Variants in SOX5 observed in about 807,000 individuals in gnomAD.
SOX5 encodes the protein SRY-box transcription factor 5.
A neutral mutation model predicts 92.0 loss-of-function variants in SOX5; 9 were observed. The observed-to-expected ratio is 0.10, with a 90% CI of 0.06 to 0.17. The LOEUF is 0.17. Among genes scored for constraint, SOX5 ranks in the 10% least tolerant of loss-of-function variants. The pLI, the probability that SOX5 is intolerant of heterozygous loss-of-function variation, is 1.00. For missense variants in SOX5, 642 were observed against 944.5 expected, an observed-to-expected ratio of 0.68 and a Z score of 4.20; for synonymous variants, 344 against 336.3, an observed-to-expected ratio of 1.02 and a Z score of -0.25.
intron 1 of SOX5, among the ~76,000 whole-genome samples, chr12:23,909,035 C>G (rs1166497558): frequency 6.6e-6 from 1 of 151,568 alleles, no homozygotes; most frequent in Non-Finnish European, 1.5e-5. Context: ...GGAATGCTAA[C>G]CCCCAAAATA....
At chr12:23,676,300 C>T (rs58070331) in intron 6 of SOX5, among the ~76,000 whole-genome samples, 10,079 of 152,076 alleles carry the variant, frequency 0.066, 1,030 homozygotes, top group African/African-American at 0.22. Flanking sequence ...ACTACGTATA[C>T]GTACATCAAA....
intron 1 of SOX5, among the ~76,000 whole-genome samples, chr12:24,461,382 G>T (rs927077109): frequency 1.3e-5 from 2 of 152,184 alleles, no homozygotes; most frequent in African/African-American, 4.8e-5. Context: ...TTAGACAAGA[G>T]AAATGGGAGG....
chr12:24,187,319 G>C (rs990287365), intron 4 of SOX5, among the ~76,000 whole-genome samples: 2 of 152,184 alleles, frequency 1.3e-5, no homozygotes, highest in African/African-American at 4.8e-5. Context: ...AAGTCCTGCT[G>C]CTTTCTGAGC....
At chr12:24,544,851 G>A (rs1246497614) in intron 1 of SOX5, among the ~76,000 whole-genome samples, 1 of 152,142 alleles carries the variant, frequency 6.6e-6, no homozygotes, top group African/African-American at 2.4e-5. Flanking sequence ...TAATTCAGTA[G>A]TATTTGAAGT....
At chr12:24,318,029 G>T (rs1051949165) in intron 2 of SOX5, among the ~76,000 whole-genome samples, 3 of 151,998 alleles carry the variant, frequency 2.0e-5, no homozygotes, top group Admixed American at 1.3e-4. Flanking sequence ...TGTTCAACAT[G>T]GTGAAACCCC....
At chr12:24,168,828 G>A (rs910054760) in intron 4 of SOX5, among the ~76,000 whole-genome samples, 2 of 152,208 alleles carry the variant, frequency 1.3e-5, no homozygotes, top group African/African-American at 4.8e-5. Context: ...GCATGTGCCT[G>A]TAGGTCAAAG....
chr12:23,862,432 G>A (rs529512406), intron 2 of SOX5, among the ~76,000 whole-genome samples: 1 of 152,280 alleles, frequency 6.6e-6, no homozygotes, highest in Admixed American at 6.5e-5. Flanking sequence ...CTCCTTGGTT[G>A]TATTTTGCCT....
chr12:24,377,692 G>T (rs1299775780), intron 1 of SOX5, among the ~76,000 whole-genome samples: 1 of 152,132 alleles, frequency 6.6e-6, no homozygotes, highest in African/African-American at 2.4e-5. Flanking sequence ...AAGACAACAG[G>T]AATTCCTGTT....
At chr12:23,977,392 A>T (rs1949034562) in intron 4 of SOX5, among the ~76,000 whole-genome samples, 1 of 152,164 alleles carries the variant, frequency 6.6e-6, no homozygotes, top group Non-Finnish European at 1.5e-5. Context: ...AAGGTGGGCC[A>T]AGCATGGTGG....
chr12:24,112,548 T>TTTTTTTG (rs1593268586), intron 4 of SOX5, among the ~76,000 whole-genome samples: 2 of 139,598 alleles, frequency 1.4e-5, no homozygotes, highest in South Asian at 2.3e-4. Context: ...TTTTTTTTTT[T>TTTTTTTG]GAGGCAGGAT....
intron 6 of SOX5, among the ~76,000 whole-genome samples, chr12:23,671,650 T>C (rs2084798607): frequency 6.6e-6 from 1 of 152,206 alleles, no homozygotes; most frequent in African/African-American, 2.4e-5. Context: ...CAGTTTATCC[T>C]ACTCAATGCA....
intron 1 of SOX5, among the ~76,000 whole-genome samples, chr12:24,461,174 T>C (rs1438744432): frequency 1.3e-5 from 2 of 152,238 alleles, no homozygotes; most frequent in African/African-American, 4.8e-5. Context: ...CATTGATACA[T>C]ACTGAATTTG....
chr12:23,782,360 C>T (rs2095297847), intron 3 of SOX5, among the ~76,000 whole-genome samples: 1 of 152,094 alleles, frequency 6.6e-6, no homozygotes, highest in South Asian at 2.1e-4. Context: ...GATAATAAAT[C>T]TCAGGATCAA....
intron 2 of SOX5, among the ~76,000 whole-genome samples, chr12:24,330,218 G>A (rs760426361): frequency 3.3e-5 from 5 of 151,992 alleles, no homozygotes; most frequent in East Asian, 1.9e-4. Context: ...TAAAATTAAC[G>A]CATCAATTAT....
At chr12:23,832,294 T>C (rs2135637403) in intron 3 of SOX5, among the ~76,000 whole-genome samples, 1 of 152,154 alleles carries the variant, frequency 6.6e-6, no homozygotes, top group East Asian at 1.9e-4. Context: ...ACATATTTAT[T>C]TGGGGAAATG....
In SOX5 at chr12:23,729,356, A is replaced by G. The variant is rs575820140; in HGVS notation, c.810+5328T>C. 2.6e-5 allele frequency among the ~76,000 whole-genome samples: 4 copies of G among 152,298 alleles called. No individual in the cohort carries two copies. In the East Asian group the frequency reaches 7.7e-4, roughly 29 times the overall value. ...ATCTTATTCCAGATCACTGTTCTCAATCATCTTTTAAAAAACTATTCAACA... is the reference window on the plus strand; with the variant it reads ...ATCTTATTCCAGATCACTGTTCTCAGTCATCTTTTAAAAAACTATTCAACA... On this transcript the variant is annotated intron_variant, in intron 6 of 14. Coordinates refer to ENST00000451604, the MANE Select transcript of SOX5 (RefSeq NM_006940.6).
At chr12:24,443,822 G>T (rs1941041740) in intron 1 of SOX5, among the ~76,000 whole-genome samples, 1 of 152,218 alleles carries the variant, frequency 6.6e-6, no homozygotes, top group African/African-American at 2.4e-5. Flanking sequence ...AGGAAAAGCA[G>T]CTTTTTCAAC....
intron 2 of SOX5, among the ~76,000 whole-genome samples, chr12:24,343,353 C>A (rs1952796188): frequency 6.6e-6 from 1 of 151,046 alleles, no homozygotes; most frequent in African/African-American, 2.4e-5. Flanking sequence ...GTCCCTACAT[C>A]CCCTTGCTCC....
chr12:23,979,554 A>T (rs1949278544), intron 4 of SOX5, among the ~76,000 whole-genome samples: 1 of 151,640 alleles, frequency 6.6e-6, no homozygotes, highest in African/African-American at 2.4e-5. Flanking sequence ...TAACTGTAGA[A>T]CTGAGTAATT....
Sources: gnomAD v4.1 joint callset for allele counts (sites outside exome capture counted in the v4.1 genomes callset) on GRCh38, gnomAD v4.1.1 for gene constraint, MANE v1.5 for transcripts, NCBI Gene and HGNC (gene_info 2026-07-23, HGNC 2026-07-21) for gene names.